The following LY96 variants were observed in gnomAD, a reference collection of about 807,000 sequenced individuals.
The protein encoded by LY96 is myeloid differentiation protein-2.
In LY96, 18 loss-of-function variants were observed where a neutral mutation model predicts 18.9. The ratio of observed to expected loss-of-function variants is 0.95; its 90% CI spans 0.66 to 1.41. LY96 has a LOEUF of 1.41. LY96 is among the 40% of genes most tolerant of loss of function. LY96 has a pLI of 0.00. For missense variants in LY96, 175 were observed against 182.4 expected (o/e 0.96, Z 0.23); for synonymous variants, 66 against 62.6 (o/e 1.06, Z -0.26).
At chr8:74,092,314 C>T in the LY96 span, among the ~76,000 whole-genome samples, 5 of 152,100 alleles carry the variant, frequency 3.3e-5, no homozygotes, top group Non-Finnish European at 7.3e-5. Context: ...CACATTGCCC[C>T]CTTTAGCTAA....
chr8:74,082,865 C>T, the LY96 span, among the ~76,000 whole-genome samples: 2 of 152,240 alleles, frequency 1.3e-5, no homozygotes, highest in Admixed American at 6.5e-5. Flanking sequence ...CTCTGTGTCC[C>T]TGTGTCTTCA....
chr8:74,000,766 T>C (rs1264156161), intron 1 of LY96, among the ~76,000 whole-genome samples: 1 of 152,222 alleles, frequency 6.6e-6, no homozygotes, highest in Non-Finnish European at 1.5e-5. Context: ...AACAGAAATT[T>C]ATTTGGCTTA....
At chr8:74,025,999 C>T (rs1224539017) in intron 3 of LY96, among the ~76,000 whole-genome samples, 1 of 152,112 alleles carries the variant, frequency 6.6e-6, no homozygotes, top group Admixed American at 6.6e-5. Context: ...CAGAGTGAGA[C>T]TCCATCTCAA....
the LY96 span, among the ~76,000 whole-genome samples, chr8:74,039,255 T>C: frequency 6.6e-6 from 1 of 152,188 alleles, no homozygotes. Context: ...TTATTTGAGC[T>C]CCTTATATAT....
the LY96 span, among the ~76,000 whole-genome samples, chr8:74,066,403 C>T: frequency 3.3e-5 from 5 of 151,830 alleles, no homozygotes; most frequent in Non-Finnish European, 7.4e-5. Context: ...TCATAGCTGG[C>T]GCCCCAAGCA....
At chr8:74,071,154 G>A in the LY96 span, among the ~76,000 whole-genome samples, 1 of 152,048 alleles carries the variant, frequency 6.6e-6, no homozygotes, top group African/African-American at 2.4e-5. Flanking sequence ...GGGCTTATTA[G>A]CACCATACTA....
intron 3 of LY96, among the ~76,000 whole-genome samples, chr8:74,025,203 G>C (rs73335869): frequency 0.022 from 3,343 of 152,274 alleles, 130 homozygotes; most frequent in African/African-American, 0.074. Context: ...TACTACCATT[G>C]TCTTCCCAGG....
At chr8:74,015,408 G>T (rs1435778635) in intron 3 of LY96, among the ~76,000 whole-genome samples, 1 of 152,164 alleles carries the variant, frequency 6.6e-6, no homozygotes, top group African/African-American at 2.4e-5. Context: ...CTCTCTCCTA[G>T]CTTCTGGTGG....
intron 2 of LY96, among the ~76,000 whole-genome samples, chr8:74,008,147 C>T (rs1023397416): frequency 1.3e-5 from 2 of 152,198 alleles, no homozygotes; most frequent in African/African-American, 4.8e-5. Flanking sequence ...TGCCATCGTT[C>T]ATGTTCTTAA....
intron 3 of LY96, among the ~76,000 whole-genome samples, chr8:74,023,985 C>T (rs928151167): frequency 2.0e-5 from 3 of 152,048 alleles, no homozygotes; most frequent in Non-Finnish European, 4.4e-5. Flanking sequence ...ACAGGTTTCC[C>T]CCATCTTTTG....
chr8:74,079,102 G>A, the LY96 span, among the ~76,000 whole-genome samples: 1 of 152,184 alleles, frequency 6.6e-6, no homozygotes, highest in African/African-American at 2.4e-5. Flanking sequence ...CAAAGTGGCT[G>A]GGCATCATCC....
At chr8:74,025,194 A>G (rs935914038) in intron 3 of LY96, among the ~76,000 whole-genome samples, 3 of 152,214 alleles carry the variant, frequency 2.0e-5, no homozygotes, top group African/African-American at 7.2e-5. Flanking sequence ...ACAGAGTTGT[A>G]CTACCATTGT....
At chr8:74,093,642 G>A in the LY96 span, among the ~76,000 whole-genome samples, 1 of 152,152 alleles carries the variant, frequency 6.6e-6, no homozygotes. Flanking sequence ...GGAGCAGATT[G>A]CATGAGACAA....
chr8:74,025,863 T>G (rs1159018394), intron 3 of LY96, among the ~76,000 whole-genome samples: 3 of 151,428 alleles, frequency 2.0e-5, no homozygotes, highest in Non-Finnish European at 2.9e-5. Flanking sequence ...CAAAAATTAA[T>G]CGGGTGTGGT....
intron 3 of LY96, among the ~76,000 whole-genome samples, chr8:74,013,768 T>A (rs1816580819): frequency 6.6e-6 from 1 of 152,130 alleles, no homozygotes; most frequent in South Asian, 2.1e-4. Flanking sequence ...GAGTATGGTT[T>A]ATTTGGAGAG....
chr8:74,001,727 T>C (rs1476079956), intron 1 of LY96, among the ~76,000 whole-genome samples: 2 of 151,874 alleles, frequency 1.3e-5, no homozygotes, highest in East Asian at 3.9e-4. Context: ...TATACACCTG[T>C]AGTCTCAGCT....
intron 3 of LY96, among the ~76,000 whole-genome samples, chr8:74,014,838 CACACACACAT>C (rs1586655851): frequency 6.6e-6 from 1 of 151,738 alleles, no homozygotes; most frequent in Non-Finnish European, 1.5e-5. Flanking sequence ...CACACACACA[CACACACACAT>C]ATATCTGTTT....
chr8:74,064,615 T>C, the LY96 span, among the ~76,000 whole-genome samples: 1 of 152,202 alleles, frequency 6.6e-6, no homozygotes, highest in Non-Finnish European at 1.5e-5. Context: ...TCTACCAGTA[T>C]TGGAAGCTCC....
At chr8:74,060,840 C>T in the LY96 span, among the ~76,000 whole-genome samples, 2 of 152,182 alleles carry the variant, frequency 1.3e-5, no homozygotes, top group East Asian at 3.8e-4. Flanking sequence ...GGGGTAATTC[C>T]AGGCCCACGT....
Sources: gnomAD v4.1 joint callset for allele counts (sites outside exome capture counted in the v4.1 genomes callset) on GRCh38, gnomAD v4.1.1 for gene constraint, MANE v1.5 for transcripts, NCBI Gene and HGNC (gene_info 2026-07-23, HGNC 2026-07-21) for gene names.